The following PSME3 variants were observed in gnomAD, a reference collection of about 807,000 sequenced individuals.
PSME3 encodes the protein proteasome activator subunit 3.
Under a neutral mutation model 38.3 loss-of-function variants are expected in PSME3, and 7 were observed. The ratio of observed to expected loss-of-function variants is 0.18; its 90% CI spans 0.10 to 0.34. The LOEUF (loss-of-function observed/expected upper bound fraction) is 0.34. Among genes scored for constraint, PSME3 ranks in the 10% least tolerant of loss-of-function variants. The pLI is 1.00. For synonymous variants in PSME3, 108 were observed against 105.7 expected, an observed-to-expected ratio of 1.02 and a Z score of -0.13; for missense variants, 192 against 307.6, an observed-to-expected ratio of 0.62 and a Z score of 2.81.
chr17:42,834,505 TCTTC>T lies in PSME3; in HGVS notation c.76-6_76-3del, dbSNP rs1234799156. 6.2e-7 allele frequency: 1 copy of T among 1,612,854 alleles called. No individual in the cohort carries two copies. Among genetic ancestry groups the T allele is most frequent in the Non-Finnish European group, 8.5e-7 (1 of 1,179,108 alleles). On this transcript the variant is annotated splice_region_variant and splice_polypyrimidine_tract_variant and intron_variant, in intron 2 of 10. Transcript: ENST00000590720. The stretch of plus-strand genomic sequence containing the variant: ...GATATTAATTCAGCTGTATTTTCCC[TCTTC>T]CTTAGGCAGAAGACTTGGTGGCAAA...
chr17:42,838,306 T>C, intron 6 of PSME3, 101 bp downstream of exon 6: 3 of 1,496,326 alleles, frequency 2.0e-6, no homozygotes, highest in Non-Finnish European at 2.7e-6. Context: ...GCAGACTAGG[T>C]TTTTTTGAGT....
Position 42,833,544 on chromosome 17 carries a change from G to C in PSME3, c.-88G>C. The C allele has an allele frequency of 6.4e-7, 1 of 1,565,240 alleles. No homozygotes were observed. The highest frequency in any genetic ancestry group is 8.8e-7 in the Non-Finnish European group (1 of 1,138,882). On this transcript the variant is annotated 5_prime_UTR_variant, in exon 1 of 11. Coordinates refer to ENST00000590720, the MANE Select transcript of PSME3 (RefSeq NM_005789.4). ...CAAGGGCGGTCGGGTCCCGAGGTCA[G>C]CCGAGATTTCTCAGGTCCCTCCGGC...
chr17:42,833,843 A>G (rs1235927670), intron 1 of PSME3, 170 bp downstream of exon 1: 33 of 1,527,110 alleles, frequency 2.2e-5, no homozygotes, highest in Admixed American at 1.0e-4. Flanking sequence ...AGAGGAAAAT[A>G]TAGGATGGCT....
intron 10 of PSME3, among the ~76,000 whole-genome samples, chr17:42,839,584 G>C (rs1480047743): frequency 6.6e-6 from 1 of 152,200 alleles, no homozygotes; most frequent in Admixed American, 6.5e-5. Context: ...GGGGTGTGCA[G>C]TACAATATGG....
intron 10 of PSME3, among the ~76,000 whole-genome samples, chr17:42,840,899 C>T (rs535149113): frequency 6.6e-6 from 1 of 151,884 alleles, no homozygotes; most frequent in East Asian, 2.0e-4. Flanking sequence ...TTTGGGAGGC[C>T]GAGGCGGGCG....
intron 10 of PSME3, among the ~76,000 whole-genome samples, chr17:42,841,082 G>A (rs2055526559): frequency 6.8e-6 from 1 of 148,094 alleles, no homozygotes; most frequent in South Asian, 2.1e-4. Context: ...GCAGTCAGCC[G>A]AGATCGCGCC....
In PSME3 at chr17:42,833,429, G is replaced by A. The variant is rs2055420935; in HGVS notation, c.-203G>A. 7 of 619,756 alleles carry A rather than the reference G, an allele frequency of 1.1e-5. No homozygotes were observed. In the South Asian group the frequency reaches 1.4e-4, roughly 12 times the overall value. 38.4% of individuals were successfully genotyped at this position (619,756 alleles called of 1,614,324 possible). A position where few individuals can be genotyped will look rare whatever the true frequency, so the allele number is the denominator to read the frequency against. ...CCGGCGTGAGCGGCGAAAGCCGGGA[G>A]GGCGAGCGAGAGAGCAAGCAGGCAG... On this transcript the variant is annotated 5_prime_UTR_variant, in exon 1 of 11. Coordinates refer to ENST00000590720, the MANE Select transcript of PSME3 (RefSeq NM_005789.4).
intron 10 of PSME3, among the ~76,000 whole-genome samples, chr17:42,840,148 C>T (rs1177759994): frequency 1.4e-5 from 2 of 146,144 alleles, no homozygotes; most frequent in Non-Finnish European, 3.0e-5. Context: ...CCGGGCGTGG[C>T]GGCACATGCC....
chr17:42,833,616 A>ACGGCC lies in PSME3; in HGVS notation c.-5_-1dup, dbSNP rs765519330. 7 of 1,614,222 alleles carry ACGGCC rather than the reference A, an allele frequency of 4.3e-6. No homozygotes were observed. Among genetic ancestry groups the ACGGCC allele is most frequent in the East Asian group, 4.5e-5 (2 of 44,882 alleles). On this transcript the variant is annotated 5_prime_UTR_variant, in exon 1 of 11. Coordinates refer to ENST00000590720, the MANE Select transcript of PSME3 (RefSeq NM_005789.4). ...GCCTCCGGTGTCCAGAGGATCGGAC[A>ACGGCC]CGGCCCGGCCCGGCCATGGCCTCGT...
chr17:42,838,281 G>C, intron 6 of PSME3, 76 bp downstream of exon 6: 1 of 1,586,204 alleles, frequency 6.3e-7, no homozygotes, highest in Non-Finnish European at 8.6e-7. Flanking sequence ...GGATGTACGG[G>C]TGGTATGGGA....
intron 1 of PSME3, 162 bp downstream of exon 1, chr17:42,833,835 A>C (rs1306237758): frequency 2.0e-6 from 3 of 1,534,424 alleles, no homozygotes; most frequent in Non-Finnish European, 2.6e-6. Context: ...TTCGCGGGAG[A>C]GGAAAATATA....
At chr17:42,838,255 A>G (rs2055487674) in intron 6 of PSME3, 50 bp downstream of exon 6, 2 of 1,609,858 alleles carry the variant, frequency 1.2e-6, no homozygotes, top group Admixed American at 3.4e-5. Flanking sequence ...ACCCCACCTG[A>G]AGTGCAAAAA....
In PSME3 at chr17:42,841,724, A is replaced by T; in HGVS notation, c.*146A>T. On this transcript the variant is annotated 3_prime_UTR_variant, in exon 11 of 11. Transcript: ENST00000590720. ...TTAGTTAGAGTCTAATGAAACTCTC[A>T]TCTAGTTCTGTGATGTGTTTACCTC... 1 of 542,198 alleles carries T rather than the reference A, an allele frequency of 1.8e-6. No homozygotes were observed. Among genetic ancestry groups the T allele is most frequent in the Non-Finnish European group, 3.2e-6 (1 of 314,814 alleles). The allele number at this position is 542,198 out of a possible 1,614,324, so 33.6% of individuals were successfully genotyped here.
chr17:42,835,004 C>A, intron 4 of PSME3, 128 bp downstream of exon 4: 3 of 1,318,038 alleles, frequency 2.3e-6, no homozygotes, highest in Admixed American at 2.8e-5. Context: ...CTGTTACAGA[C>A]ATGATGACTC....
rs2055443942 is a variant in PSME3, at chr17:42,834,926, C to G, written c.243+50C>G. On this transcript the variant is annotated intron_variant, in intron 4 of 10. Coordinates refer to ENST00000590720, the MANE Select transcript of PSME3 (RefSeq NM_005789.4). Reference sequence around the variant, plus strand: ...TGTTCTTGAGCAGTAGGTCCTCTGTCCTCTGTTTCCTTGTCAGTTTAAGAT... The same window carrying G: ...TGTTCTTGAGCAGTAGGTCCTCTGTGCTCTGTTTCCTTGTCAGTTTAAGAT... The G allele has an allele frequency of 3.1e-6, 5 of 1,605,882 alleles. No homozygotes were observed. In the South Asian group the frequency reaches 5.6e-5, roughly 18 times the overall value.
chr17:42,834,508 T>C lies in PSME3; in HGVS notation c.76-7T>C. On this transcript the variant is annotated splice_region_variant and splice_polypyrimidine_tract_variant and intron_variant, in intron 2 of 10. Transcript: ENST00000590720. ...ATTAATTCAGCTGTATTTTCCCTCT[T>C]CCTTAGGCAGAAGACTTGGTGGCAA... 6.2e-7 allele frequency: 1 copy of C among 1,612,396 alleles called. No individual in the cohort carries two copies. The highest frequency in any genetic ancestry group is 8.5e-7 in the Non-Finnish European group (1 of 1,178,934).
At chr17:42,841,384 TAA>T (rs1359458102) in intron 10 of PSME3, 112 bp from the exon 11 acceptor site, 11 of 523,894 alleles carry the variant, frequency 2.1e-5, no homozygotes, top group Middle Eastern at 2.8e-4. Flanking sequence ...TTGATGACAT[TAA>T]GGACTTACCG....
chr17:42,840,270 C>T (rs1035704255), intron 10 of PSME3, among the ~76,000 whole-genome samples: 3 of 151,152 alleles, frequency 2.0e-5, no homozygotes, highest in South Asian at 4.2e-4. Context: ...GCAACAAGAG[C>T]GAAACTCCGC....
At position 42,839,182 on chromosome 17, in the gene PSME3, G is replaced by A. The variant is rs1410528360; in HGVS notation, c.597+16G>A. 6.4e-7 allele frequency: 1 copy of A among 1,574,316 alleles called. No individual in the cohort carries two copies. The highest frequency in any genetic ancestry group is 8.7e-7 in the Non-Finnish European group (1 of 1,143,780). Reference sequence around the variant, plus strand: ...TCCCCATGTGGTAAGTAAGGGGTTTGTGGCCTGAGGGTGGAGGTGGCAGGA... The same window carrying A: ...TCCCCATGTGGTAAGTAAGGGGTTTATGGCCTGAGGGTGGAGGTGGCAGGA... On this transcript the variant is annotated intron_variant, in intron 9 of 10. Coordinates refer to ENST00000590720, the MANE Select transcript of PSME3 (RefSeq NM_005789.4).
Sources: allele counts gnomAD v4.1 joint callset (sites outside exome capture counted in the v4.1 genomes callset), GRCh38; gene constraint gnomAD v4.1.1; transcripts MANE v1.5; gene names NCBI Gene and HGNC (gene_info 2026-07-23, HGNC 2026-07-21).